COG4: variants seen among roughly 807,000 people sequenced by gnomAD.
COG4 encodes conserved oligomeric Golgi complex subunit 4.
Under a neutral mutation model 95.1 loss-of-function variants are expected in COG4, and 65 were observed. The ratio of observed to expected loss-of-function variants is 0.68; its 90% CI spans 0.56 to 0.84. COG4 has a LOEUF of 0.84. Ranked by LOEUF, COG4 falls within the 40% of genes least tolerant of loss-of-function variation. COG4 has a pLI of 0.00. For synonymous variants in COG4, 421 were observed against 374.8 expected (o/e 1.12, Z -1.42); for missense variants, 1,045 against 989.1 (o/e 1.06, Z -0.76).
intron 1 of COG4, among the ~76,000 whole-genome samples, chr16:70,520,727 T>C (rs182304963): frequency 5.3e-5 from 8 of 152,258 alleles, no homozygotes; most frequent in Non-Finnish European, 1.0e-4. Flanking sequence ...AAAATTTTTC[T>C]TCTTGGTGCA....
intron 6 of COG4, among the ~76,000 whole-genome samples, chr16:70,509,698 T>C (rs1170469909): frequency 6.6e-6 from 1 of 152,206 alleles, no homozygotes; most frequent in Non-Finnish European, 1.5e-5. Flanking sequence ...GTACAGAGTT[T>C]GGGGTTTGAG....
chr16:70,484,040 G>C, intron 13 of COG4, 71 bp from the exon 14 acceptor site: 1 of 1,091,768 alleles, frequency 9.2e-7, no homozygotes, highest in South Asian at 1.2e-5. Flanking sequence ...CCACCAGCCA[G>C]TTCTACTCCT....
At chr16:70,494,310 G>GTAAGTGTGGATT in intron 12 of COG4, among the ~76,000 whole-genome samples, 1 of 152,288 alleles carries the variant, frequency 6.6e-6, no homozygotes, top group Non-Finnish European at 1.5e-5. Context: ...TGTACTGACA[G>GTAAGTGTGGATT]CCCTAGTAAG....
chr16:70,513,326 T>G (rs887130933), intron 4 of COG4, among the ~76,000 whole-genome samples: 1 of 152,160 alleles, frequency 6.6e-6, no homozygotes, highest in African/African-American at 2.4e-5. Context: ...ATTTTATGAG[T>G]AGGCAATATG....
rs760327599 is a variant in COG4, at chr16:70,512,371, A to G, written c.606T>C (p.Ile202=). 2 of 1,614,174 alleles carry G rather than the reference A, an allele frequency of 1.2e-6. No individual in the cohort carries two copies. The highest frequency in any genetic ancestry group is 3.3e-5 in the Admixed American group (2 of 60,020). The change falls in exon 5 of 19, where the codon ATT becomes ATC. Residue 202 remains isoleucine (I), a synonymous_variant. Transcript: ENST00000323786. ...LQEAEQRLKA[I]VAEKFAIATK... Reference sequence around the variant, plus strand: ...TGGCAATGGCAAACTTCTCTGCCACAATGGCTTTGAGACGTTGCTCAGCTT... The same window carrying G: ...TGGCAATGGCAAACTTCTCTGCCACGATGGCTTTGAGACGTTGCTCAGCTT...
At chr16:70,483,384 T>C (rs1165002400) in intron 14 of COG4, among the ~76,000 whole-genome samples, 1 of 148,882 alleles carries the variant, frequency 6.7e-6, no homozygotes, top group Non-Finnish European at 1.5e-5. Flanking sequence ...CTGCAGGCCC[T>C]GTTGGAGGTT....
intron 1 of COG4, among the ~76,000 whole-genome samples, chr16:70,522,823 G>C (rs375818090): frequency 3.9e-5 from 6 of 152,246 alleles, no homozygotes; most frequent in African/African-American, 1.4e-4. Context: ...GAGATGAAGT[G>C]ACTTGTCCAA....
At chr16:70,506,310 G>C (rs780500010) in intron 8 of COG4, among the ~76,000 whole-genome samples, 11 of 152,060 alleles carry the variant, frequency 7.2e-5, no homozygotes. Flanking sequence ...GGCTGAGGCA[G>C]GAGAATGGCG....
chr16:70,498,298 C>G (rs2049381323), intron 9 of COG4, among the ~76,000 whole-genome samples: 1 of 152,034 alleles, frequency 6.6e-6, no homozygotes, highest in South Asian at 2.1e-4. Flanking sequence ...GGTGCATAAT[C>G]CACATTTTAA....
In COG4 at chr16:70,496,396, G is replaced by A. The variant is rs940522796; in HGVS notation, c.1517C>T (p.Pro506Leu). The A allele has an allele frequency of 2.0e-5, 32 of 1,614,068 alleles. No homozygotes were observed. The highest frequency in any genetic ancestry group is 2.7e-5 in the African/African-American group (2 of 74,932). The change falls in exon 12 of 19, where the codon CCT (proline) becomes CTT (leucine). Residue 506 changes from proline (P) to leucine (L), a missense_variant. By Grantham distance (98) the Pro-to-Leu change is moderately conservative (BLOSUM62 -3). Coordinates refer to ENST00000323786, the MANE Select transcript of COG4 (RefSeq NM_015386.3). ...CTGGATGTCCTGGAAGGTGGTGGCA[G>A]GAAAGCCCATCCGCAGCTTATTACA... is the stretch of plus-strand genomic sequence containing the variant. The part of the protein sequence containing the change: ...VLCNKLRMGF[P>L]ATTFQDIQRG...
At position 70,496,364 on chromosome 16, in the gene COG4, C is replaced by A; in HGVS notation, c.1549G>T (p.Val517Leu). 6.2e-7 allele frequency: 1 copy of A among 1,614,160 alleles called. No individual in the cohort carries two copies. The change falls in exon 12 of 19, where the codon GTG (valine) becomes TTG (leucine). Residue 517 changes from valine to leucine, a missense_variant. Coordinates refer to ENST00000323786, the MANE Select transcript of COG4 (RefSeq NM_015386.3). ...ATTFQDIQRG[V>L]TSAVNIMHSS... ...TGCATGATGTTCACGGCACTTGTCA[C>A]CCCGCGCTGGATGTCCTGGAAGGTG...
At chr16:70,520,461 A>T (rs2049917599) in intron 1 of COG4, among the ~76,000 whole-genome samples, 1 of 149,930 alleles carries the variant, frequency 6.7e-6, no homozygotes, top group South Asian at 2.2e-4. Context: ...TCCGTCTCAA[A>T]AACAAAAAAC....
intron 5 of COG4, among the ~76,000 whole-genome samples, chr16:70,511,030 G>T (rs1282154229): frequency 6.6e-6 from 1 of 152,192 alleles, no homozygotes; most frequent in Non-Finnish European, 1.5e-5. Context: ...CTCCCAAAGT[G>T]CTGGGATTAC....
chr16:70,490,169 G>A (rs1022949975), intron 13 of COG4, among the ~76,000 whole-genome samples, 161 bp downstream of exon 13: 19 of 152,042 alleles, frequency 1.2e-4, no homozygotes, highest in African/African-American at 4.4e-4. Context: ...TTTTCTCCCT[G>A]GTCCAAGGAT....
Position 70,519,744 on chromosome 16 carries a change from G to A in COG4, c.172-13C>T. On this transcript the variant is annotated splice_polypyrimidine_tract_variant and intron_variant, in intron 1 of 18. Coordinates refer to ENST00000323786, the MANE Select transcript of COG4 (RefSeq NM_015386.3). The stretch of plus-strand genomic sequence containing the variant: ...TCTCCACCACTTTCTGAAACACAGA[G>A]AAACATCCTGTCAGCAGAATGATCA... The A allele has an allele frequency of 6.3e-7, 1 of 1,589,936 alleles. No individual in the cohort carries two copies. The highest frequency in any genetic ancestry group is 2.2e-5 in the East Asian group (1 of 44,774).
intron 7 of COG4, 166 bp downstream of exon 7, chr16:70,509,065 C>A: frequency 1.2e-6 from 1 of 832,092 alleles, no homozygotes; most frequent in Non-Finnish European, 2.0e-6. Context: ...CACCTCAAGT[C>A]CAAAGTAAGC....
intron 8 of COG4, among the ~76,000 whole-genome samples, chr16:70,502,041 T>G (rs1312039116): frequency 1.3e-5 from 2 of 151,670 alleles, no homozygotes; most frequent in Non-Finnish European, 2.9e-5. Context: ...CCCAACACTT[T>G]GGGAGGCTGA....
intron 3 of COG4, among the ~76,000 whole-genome samples, chr16:70,517,125 C>G (rs2049838219): frequency 6.6e-6 from 1 of 151,942 alleles, no homozygotes; most frequent in Non-Finnish European, 1.5e-5. Flanking sequence ...TTTTGAACTT[C>G]TGGGCTCAAG....
intron 13 of COG4, among the ~76,000 whole-genome samples, chr16:70,487,936 T>A (rs1174774551): frequency 6.6e-6 from 1 of 152,106 alleles, no homozygotes; most frequent in Admixed American, 6.6e-5. Flanking sequence ...GCGATTCTCC[T>A]GTCTCAGCTT....
Sources: gnomAD v4.1 joint callset for allele counts (sites outside exome capture counted in the v4.1 genomes callset) on GRCh38, gnomAD v4.1.1 for gene constraint, MANE v1.5 for transcripts, NCBI Gene and HGNC (gene_info 2026-07-23, HGNC 2026-07-21) for gene names.